The following SUZ12 variants were observed in gnomAD, a reference collection of about 807,000 sequenced individuals.
The protein encoded by SUZ12 is polycomb protein SUZ12.
A neutral mutation model predicts 87.3 loss-of-function variants in SUZ12; 17 were observed. The ratio of observed to expected loss-of-function variants is 0.19; its 90% CI spans 0.13 to 0.29. The LOEUF (loss-of-function observed/expected upper bound fraction) is 0.29, where lower values mean the gene tolerates loss of function less well. SUZ12 is among the 10% of genes least tolerant of loss of function. The pLI is 1.00. For synonymous variants in SUZ12, 253 were observed against 312.4 expected (o/e 0.81, Z 2.01); for missense variants, 526 against 912.2 (o/e 0.58, Z 5.45).
intron 9 of SUZ12, among the ~76,000 whole-genome samples, chr17:31,986,435 G>A (rs1026828048): frequency 1.3e-5 from 2 of 152,122 alleles, no homozygotes; most frequent in African/African-American, 4.8e-5. Context: ...AATGTTAATA[G>A]TGATTATACT....
At position 31,976,566 on chromosome 17, in the gene SUZ12, A is replaced by T; in HGVS notation, c.869A>T (p.Asp290Val). The T allele has an allele frequency of 6.2e-7, 1 of 1,613,434 alleles. No homozygotes were observed. The highest frequency in any genetic ancestry group is 8.5e-7 in the Non-Finnish European group (1 of 1,179,568). ...LPARRKRNRE[D>V]GEKTFVAQMT... is the part of the protein sequence containing the mutation. ...GCCAGAAGAAAACGAAATCGTGAGG[A>T]TGGGGAAAAGACATTTGTTGCACAA... Residue 290 changes from aspartate to valine, a missense_variant, in exon 8 of 16, where the codon GAT (aspartate) becomes GTT (valine). Physicochemically the swap from Asp to Val is radical, Grantham distance 152. Transcript: ENST00000322652.
intron 3 of SUZ12, among the ~76,000 whole-genome samples, chr17:31,944,913 A>T (rs987003742): frequency 4.6e-5 from 7 of 152,068 alleles, no homozygotes; most frequent in South Asian, 2.1e-4. Flanking sequence ...CAAAAATTTT[A>T]AAAAATTAGC....
intron 5 of SUZ12, among the ~76,000 whole-genome samples, chr17:31,968,877 T>G (rs1025686036): frequency 3.3e-5 from 5 of 152,238 alleles, no homozygotes; most frequent in Non-Finnish European, 7.3e-5. Flanking sequence ...CATATTAAGC[T>G]TTTTTCCTAT....
chr17:31,949,996 A>G (rs900415864), intron 4 of SUZ12, among the ~76,000 whole-genome samples: 9 of 150,976 alleles, frequency 6.0e-5, no homozygotes, highest in Admixed American at 5.3e-4. Context: ...TTTTGTGTTT[A>G]TTTATTTATT....
chr17:31,992,975 G>A (rs1164127827), intron 10 of SUZ12, among the ~76,000 whole-genome samples: 1 of 152,108 alleles, frequency 6.6e-6, no homozygotes, highest in African/African-American at 2.4e-5. Context: ...AATGTGCTGG[G>A]ATTACAGGCG....
chr17:31,988,079 C>T (rs1909507916), intron 9 of SUZ12, among the ~76,000 whole-genome samples: 1 of 152,140 alleles, frequency 6.6e-6, no homozygotes, highest in African/African-American at 2.4e-5. Flanking sequence ...GGCAACAATT[C>T]ACCTGTTGCT....
chr17:31,971,350 C>A (rs2627074), intron 5 of SUZ12, among the ~76,000 whole-genome samples: 2 of 146,842 alleles, frequency 1.4e-5, no homozygotes, highest in East Asian at 4.0e-4. Context: ...TATCTTAATA[C>A]TTTTTCTAGT....
At chr17:31,937,676 A>G (rs922900946) in intron 1 of SUZ12, among the ~76,000 whole-genome samples, 156 bp downstream of exon 1, 16 of 138,472 alleles carry the variant, frequency 1.2e-4, no homozygotes, top group Middle Eastern at 3.4e-3. Flanking sequence ...TTACGTCTCC[A>G]GGGGATCCGG....
chr17:31,939,383 A>C (rs1426371280), intron 1 of SUZ12, among the ~76,000 whole-genome samples: 2 of 151,860 alleles, frequency 1.3e-5, no homozygotes, highest in Non-Finnish European at 2.9e-5. Flanking sequence ...TGGGCAACAT[A>C]TCAAGACCCC....
At chr17:31,982,771 T>A (rs997736188) in intron 8 of SUZ12, among the ~76,000 whole-genome samples, 4 of 152,238 alleles carry the variant, frequency 2.6e-5, no homozygotes, top group Admixed American at 2.6e-4. Flanking sequence ...TTTAGAGTTA[T>A]ATCTGAGTAG....
chr17:31,939,314 T>A (rs1906127627), intron 1 of SUZ12, among the ~76,000 whole-genome samples: 1 of 152,028 alleles, frequency 6.6e-6, no homozygotes, highest in African/African-American at 2.4e-5. Context: ...CCTGTAATCC[T>A]AGCTACTCTG....
Position 31,951,939 on chromosome 17 carries a change from T to C in SUZ12, c.455+4254T>C, listed in dbSNP as rs1265510447. ...ATATGCATGCCCTACCACGTCCAACTAATTTTTGTATTTTTAGTAGAGACA... is the reference window on the plus strand; with the variant it reads ...ATATGCATGCCCTACCACGTCCAACCAATTTTTGTATTTTTAGTAGAGACA... On this transcript the variant is annotated intron_variant, in intron 4 of 15. Transcript: ENST00000322652. 4.0e-5 allele frequency among the ~76,000 whole-genome samples: 6 copies of C among 151,706 alleles called. No homozygotes were observed. In the East Asian group the frequency reaches 1.2e-3, roughly 29 times the overall value.
intron 14 of SUZ12, 100 bp downstream of exon 14, chr17:31,995,862 TA>T (rs1220841671): frequency 0.14 from 87,637 of 647,568 alleles, no homozygotes; most frequent in East Asian, 0.24. Context: ...GAACTTTTTT[TA>T]AAAAAAAAAA....
At chr17:31,953,911 A>C (rs567829603) in intron 4 of SUZ12, among the ~76,000 whole-genome samples, 1 of 151,358 alleles carries the variant, frequency 6.6e-6, no homozygotes, top group African/African-American at 2.4e-5. Context: ...AAGGGGTTTC[A>C]CCATGTTGGC....
chr17:31,948,614 TCA>T (rs1244690695), intron 4 of SUZ12, among the ~76,000 whole-genome samples: 1 of 152,226 alleles, frequency 6.6e-6, no homozygotes, highest in African/African-American at 2.4e-5. Context: ...TTCCTTTTTT[TCA>T]GTTTGGCTTC....
chr17:31,958,539 C>T (rs764789854), intron 4 of SUZ12, among the ~76,000 whole-genome samples: 8 of 151,556 alleles, frequency 5.3e-5, no homozygotes, highest in Non-Finnish European at 1.0e-4. Context: ...GTAAAAACCC[C>T]ATCTCTACTA....
At chr17:31,993,413 AT>A in intron 11 of SUZ12, 80 bp downstream of exon 11, 1 of 962,720 alleles carries the variant, frequency 1.0e-6, no homozygotes, top group South Asian at 1.6e-5. Flanking sequence ...TTTTTTGTTC[AT>A]TTTTATTTTA....
intron 3 of SUZ12, 117 bp downstream of exon 3, chr17:31,940,603 G>C: frequency 7.0e-7 from 1 of 1,433,740 alleles, no homozygotes; most frequent in Non-Finnish European, 9.2e-7. Context: ...TCTAACTAAA[G>C]ATTTAAGATG....
intron 3 of SUZ12, among the ~76,000 whole-genome samples, chr17:31,943,292 C>T (rs1906415216): frequency 6.6e-6 from 1 of 152,152 alleles, no homozygotes; most frequent in African/African-American, 2.4e-5. Flanking sequence ...TTATTTTAGG[C>T]TTTGCGGCCA....
Sources: allele counts gnomAD v4.1 joint callset (sites outside exome capture counted in the v4.1 genomes callset), GRCh38; gene constraint gnomAD v4.1.1; transcripts MANE v1.5; gene names NCBI Gene and HGNC (gene_info 2026-07-23, HGNC 2026-07-21).